ARL15: variants seen among roughly 807,000 people sequenced by gnomAD.
ARL15 encodes the protein ADP-ribosylation factor-like protein 15.
In ARL15, 19 loss-of-function variants were observed where a neutral mutation model predicts 25.2. The observed-to-expected ratio is 0.75, with a 90% CI of 0.53 to 1.10. The LOEUF is 1.10. Among genes scored for constraint, ARL15 ranks in the 50% least tolerant of loss-of-function variants. The pLI is 0.00. For missense variants in ARL15, 220 were observed against 246.0 expected, an observed-to-expected ratio of 0.89 and a Z score of 0.71; for synonymous variants, 94 against 86.8, an observed-to-expected ratio of 1.08 and a Z score of -0.46.
chr5:54,131,036 A>G (rs961326051), intron 3 of ARL15, among the ~76,000 whole-genome samples: 3 of 152,230 alleles, frequency 2.0e-5, no homozygotes, highest in Non-Finnish European at 4.4e-5. Context: ...TGGAAGGATT[A>G]CAGAAGTGCT....
intron 3 of ARL15, among the ~76,000 whole-genome samples, chr5:54,140,256 GAAA>G (rs11341805): frequency 7.1e-6 from 1 of 141,094 alleles, no homozygotes. Context: ...GATTTTGAAA[GAAA>G]AAAAAAAAAA....
intron 4 of ARL15, among the ~76,000 whole-genome samples, chr5:53,996,934 A>C (rs997496082): frequency 2.6e-5 from 4 of 152,240 alleles, no homozygotes; most frequent in African/African-American, 9.6e-5. Context: ...TCCTATTTTT[A>C]CAGATGGGAA....
At chr5:54,018,657 T>C (rs1312739471) in intron 4 of ARL15, among the ~76,000 whole-genome samples, 1 of 152,180 alleles carries the variant, frequency 6.6e-6, no homozygotes, top group Non-Finnish European at 1.5e-5. Context: ...TATTCATTCA[T>C]TCACTGATTT....
chr5:53,927,482 C>A (rs566233209), intron 4 of ARL15, among the ~76,000 whole-genome samples: 22 of 152,268 alleles, frequency 1.4e-4, no homozygotes, highest in African/African-American at 5.3e-4. Context: ...CCCTGGGTCC[C>A]AATTCACCTC....
intron 4 of ARL15, among the ~76,000 whole-genome samples, chr5:54,051,136 T>C (rs1321944058): frequency 2.6e-5 from 4 of 152,192 alleles, no homozygotes; most frequent in African/African-American, 9.7e-5. Context: ...AAGCCAACAT[T>C]TATTGAGCAT....
intron 1 of ARL15, among the ~76,000 whole-genome samples, chr5:54,249,677 A>T (rs1203537439): frequency 1.3e-5 from 2 of 151,596 alleles, no homozygotes; most frequent in Non-Finnish European, 2.9e-5. Context: ...AAGAGCAAAA[A>T]AAAAAAAAAA....
chr5:54,059,854 C>T (rs987538580), intron 4 of ARL15, among the ~76,000 whole-genome samples: 9 of 152,142 alleles, frequency 5.9e-5, no homozygotes, highest in Non-Finnish European at 1.3e-4. Context: ...GCTTGTATTT[C>T]ATATTCTACT....
intron 4 of ARL15, among the ~76,000 whole-genome samples, chr5:54,055,234 T>G (rs2112005257): frequency 6.6e-6 from 1 of 152,314 alleles, no homozygotes; most frequent in Non-Finnish European, 1.5e-5. Context: ...TCTGCACATT[T>G]CATCTACAGT....
chr5:54,259,845 G>A (rs183188273), intron 1 of ARL15, among the ~76,000 whole-genome samples: 3 of 152,244 alleles, frequency 2.0e-5, no homozygotes, highest in East Asian at 3.9e-4. Flanking sequence ...TTCCTGGCCA[G>A]CAACTTGATT....
At chr5:54,117,364 G>GACACACACACAC (rs776020187) in intron 3 of ARL15, among the ~76,000 whole-genome samples, 301 of 91,022 alleles carry the variant, frequency 3.3e-3, no homozygotes, top group Middle Eastern at 0.01. Context: ...CAAATAGTGA[G>GACACACACACAC]ACACATACAC....
intron 1 of ARL15, among the ~76,000 whole-genome samples, chr5:54,281,441 AAG>A (rs1758062170): frequency 6.6e-6 from 1 of 152,082 alleles, no homozygotes; most frequent in Admixed American, 6.6e-5. Context: ...ATAACTTTTA[AAG>A]CACTTTTTCT....
At chr5:53,961,116 G>T (rs1747349375) in intron 4 of ARL15, among the ~76,000 whole-genome samples, 1 of 152,098 alleles carries the variant, frequency 6.6e-6, no homozygotes, top group Non-Finnish European at 1.5e-5. Context: ...ATGAAACAAG[G>T]TTATGGTTAG....
intron 4 of ARL15, among the ~76,000 whole-genome samples, chr5:53,913,314 AC>A (rs1486469433): frequency 6.6e-6 from 1 of 152,138 alleles, no homozygotes; most frequent in Non-Finnish European, 1.5e-5. Flanking sequence ...ACAAAACAAA[AC>A]AAAGCAGGGT....
chr5:54,021,877 G>C lies in ARL15; in HGVS notation c.462+91325C>G, dbSNP rs1417082942. Among the ~76,000 whole-genome samples, 3 of 152,074 alleles carry C rather than the reference G, an allele frequency of 2.0e-5. No individual in the cohort carries two copies. In the South Asian group the frequency reaches 6.2e-4, roughly 32 times the overall value. ...TCTGAAAAATAAAGACAAAGAAAAA[G>C]CTTCAAAGCAGCAGGGCAGAAAGGG... On this transcript the variant is annotated intron_variant, in intron 4 of 4. Transcript: ENST00000504924.
At chr5:54,041,116 C>T (rs1750330776) in intron 4 of ARL15, among the ~76,000 whole-genome samples, 1 of 152,202 alleles carries the variant, frequency 6.6e-6, no homozygotes, top group Non-Finnish European at 1.5e-5. Context: ...GACAATAATA[C>T]ATAAACCAAT....
chr5:54,052,048 A>C (rs1052516646), intron 4 of ARL15, among the ~76,000 whole-genome samples: 8 of 152,204 alleles, frequency 5.3e-5, no homozygotes, highest in African/African-American at 1.7e-4. Context: ...AAGCTATATA[A>C]GGTATGATTC....
chr5:54,125,209 T>C (rs1251912099), intron 3 of ARL15, among the ~76,000 whole-genome samples: 1 of 152,040 alleles, frequency 6.6e-6, no homozygotes, highest in Non-Finnish European at 1.5e-5. Context: ...AATTTTTGTA[T>C]TTTTAGTAGA....
At chr5:53,994,642 T>C in intron 4 of ARL15, among the ~76,000 whole-genome samples, 1 of 152,126 alleles carries the variant, frequency 6.6e-6, no homozygotes, top group South Asian at 2.1e-4. Context: ...CCCTAACTCC[T>C]GCCATGTCTG....
chr5:54,066,285 G>A (rs1464527871), intron 4 of ARL15, among the ~76,000 whole-genome samples: 2 of 152,100 alleles, frequency 1.3e-5, no homozygotes, highest in Non-Finnish European at 2.9e-5. Context: ...GCGACATAGT[G>A]CATATATGAA....
Sources: allele counts gnomAD v4.1 joint callset (sites outside exome capture counted in the v4.1 genomes callset), GRCh38; gene constraint gnomAD v4.1.1; transcripts MANE v1.5; gene names NCBI Gene and HGNC (gene_info 2026-07-23, HGNC 2026-07-21).